RAB7A: variants seen among roughly 807,000 people sequenced by gnomAD.
RAB7A encodes RAB7A, member RAS oncogene family, also known as ras-related protein Rab-7a.
RAB7A carries 2 observed loss-of-function variants against 24.5 expected under a neutral mutation model. The observed-to-expected ratio is 0.08, with a 90% CI of 0.03 to 0.26. RAB7A has a LOEUF of 0.26. Ranked by LOEUF, RAB7A falls within the 10% of genes least tolerant of loss-of-function variation. RAB7A has a pLI of 1.00. For missense variants in RAB7A, 118 were observed against 255.7 expected (o/e 0.46, Z 3.67); for synonymous variants, 100 against 95.9 (o/e 1.04, Z -0.25).
At chr3:128,796,750 C>G (rs139891563) in intron 2 of RAB7A, among the ~76,000 whole-genome samples, 1 of 152,080 alleles carries the variant, frequency 6.6e-6, no homozygotes, top group Admixed American at 6.5e-5. Context: ...GCAGCCTCAA[C>G]CTCCTGGTCT....
At chr3:128,727,665 T>C (rs2070394319) in intron 1 of RAB7A, among the ~76,000 whole-genome samples, 1 of 152,250 alleles carries the variant, frequency 6.6e-6, no homozygotes, top group South Asian at 2.1e-4. Context: ...ACAACCTTAG[T>C]TGATGGCTGT....
intron 1 of RAB7A, among the ~76,000 whole-genome samples, chr3:128,765,757 CT>C (rs57347555): frequency 0.7 from 94,381 of 133,942 alleles, 34,775 homozygotes; most frequent in Non-Finnish European, 0.82. Flanking sequence ...TCTACCTCTA[CT>C]TTTTTTTTTT....
intron 1 of RAB7A, among the ~76,000 whole-genome samples, chr3:128,762,820 GA>G (rs1270989819): frequency 6.6e-6 from 1 of 152,026 alleles, no homozygotes; most frequent in East Asian, 1.9e-4. Context: ...AGTTTATTAT[GA>G]AAAAATGTCA....
intron 1 of RAB7A, chr3:128,785,035 C>G (rs1388050965): frequency 1.3e-5 from 2 of 151,826 alleles, no homozygotes; most frequent in Non-Finnish European, 2.9e-5. Context: ...AACTTCTACC[C>G]CCCAGGTTCT....
At chr3:128,798,900 GC>G in intron 3 of RAB7A, 1 of 301,524 alleles carries the variant, frequency 3.3e-6, no homozygotes. Context: ...GGTCCATGAT[GC>G]CAGCTGAGGT....
At chr3:128,811,848 CAAA>C (rs879327864) in intron 5 of RAB7A, among the ~76,000 whole-genome samples, 1 of 107,356 alleles carries the variant, frequency 9.3e-6, no homozygotes, top group Non-Finnish European at 2.0e-5. Flanking sequence ...GACTCTGCCT[CAAA>C]AAAAAAAAAA....
chr3:128,761,782 C>G (rs1316177291), intron 1 of RAB7A, among the ~76,000 whole-genome samples: 1 of 152,158 alleles, frequency 6.6e-6, no homozygotes. Flanking sequence ...TGATTGTATA[C>G]AATTTAATTA....
chr3:128,789,327 CTTTTTTTTTT>C (rs10575679), intron 1 of RAB7A, among the ~76,000 whole-genome samples: 27 of 131,726 alleles, frequency 2.0e-4, no homozygotes, highest in African/African-American at 7.7e-4. Flanking sequence ...ACTTTGTAGC[CTTTTTTTTTT>C]TTTTTTTTTT....
At chr3:128,770,466 C>G (rs1228244780) in intron 1 of RAB7A, among the ~76,000 whole-genome samples, 1 of 152,158 alleles carries the variant, frequency 6.6e-6, no homozygotes, top group Non-Finnish European at 1.5e-5. Context: ...AACCCAAGAT[C>G]TGACAGTCTT....
chr3:128,802,454 G>GGA (rs1343620224), intron 3 of RAB7A, among the ~76,000 whole-genome samples: 1 of 152,290 alleles, frequency 6.6e-6, no homozygotes, highest in East Asian at 1.9e-4. Flanking sequence ...GGTAATACAT[G>GGA]GAGAGAAGGG....
chr3:128,788,599 A>C (rs1350493591), intron 1 of RAB7A, among the ~76,000 whole-genome samples: 2 of 152,162 alleles, frequency 1.3e-5, no homozygotes, highest in African/African-American at 4.8e-5. Context: ...GGGTACTACT[A>C]TACTTTGCTT....
chr3:128,736,584 G>C (rs1200256244), intron 1 of RAB7A, among the ~76,000 whole-genome samples: 1 of 152,112 alleles, frequency 6.6e-6, no homozygotes, highest in African/African-American at 2.4e-5. Context: ...AAGGGAAAAA[G>C]AACTGTTGGA....
chr3:128,779,069 G>T (rs933172597), intron 1 of RAB7A, among the ~76,000 whole-genome samples: 2 of 152,202 alleles, frequency 1.3e-5, no homozygotes, highest in Non-Finnish European at 2.9e-5. Context: ...TTTCAGTATT[G>T]TGGACCAAGT....
At chr3:128,732,932 C>T (rs187068253) in intron 1 of RAB7A, among the ~76,000 whole-genome samples, 12 of 152,296 alleles carry the variant, frequency 7.9e-5, no homozygotes, top group Admixed American at 2.6e-4. Context: ...TCCTAGTAGA[C>T]ACTGAATGAT....
intron 1 of RAB7A, among the ~76,000 whole-genome samples, chr3:128,777,658 A>G (rs1023869374): frequency 6.6e-6 from 1 of 152,364 alleles, no homozygotes; most frequent in Non-Finnish European, 1.5e-5. Context: ...AAAAATTTGC[A>G]TTGAAGTTTT....
intron 1 of RAB7A, among the ~76,000 whole-genome samples, chr3:128,742,020 G>A (rs930621456): frequency 7.2e-5 from 11 of 152,030 alleles, no homozygotes; most frequent in African/African-American, 2.7e-4. Context: ...AGACCCTAGC[G>A]GTGAGTGTTA....
chr3:128,735,766 A>G (rs950747998), intron 1 of RAB7A, among the ~76,000 whole-genome samples: 2 of 152,196 alleles, frequency 1.3e-5, no homozygotes, highest in African/African-American at 4.8e-5. Context: ...TAAATGCCTG[A>G]GATAATCTAG....
At chr3:128,778,791 C>G (rs1384235452) in intron 1 of RAB7A, among the ~76,000 whole-genome samples, 2 of 152,134 alleles carry the variant, frequency 1.3e-5, no homozygotes, top group Non-Finnish European at 2.9e-5. Context: ...ATCTAGAAGC[C>G]ATGTTGCTTG....
chr3:128,764,979 G>A, intron 1 of RAB7A: 6 of 1,595,978 alleles, frequency 3.8e-6, no homozygotes, highest in Non-Finnish European at 5.1e-6. Context: ...AGTCCTGGTG[G>A]TAGTTCTGGC....
Sources: gnomAD v4.1 joint callset for allele counts (sites outside exome capture counted in the v4.1 genomes callset) on GRCh38, gnomAD v4.1.1 for gene constraint, MANE v1.5 for transcripts, NCBI Gene and HGNC (gene_info 2026-07-23, HGNC 2026-07-21) for gene names.